The following AGAP2 variants were observed in gnomAD, a reference collection of about 807,000 sequenced individuals.
AGAP2 encodes arf-GAP with GTPase, ANK repeat and PH domain-containing protein 2.
In AGAP2, 32 loss-of-function variants were observed where a neutral mutation model predicts 110.9. The observed-to-expected ratio is 0.29, with a 90% CI of 0.22 to 0.39. The LOEUF (loss-of-function observed/expected upper bound fraction) is 0.39. AGAP2 is among the 10% of genes least tolerant of loss of function. The pLI is 1.00. For synonymous variants in AGAP2, 702 were observed against 713.0 expected, an observed-to-expected ratio of 0.98 and a Z score of 0.25; for missense variants, 1,285 against 1,638.5, an observed-to-expected ratio of 0.78 and a Z score of 3.72.
upstream of AGAP2, among the ~76,000 whole-genome samples, chr12:57,740,276 A>G (rs780966467): frequency 1.9e-4 from 29 of 152,024 alleles, no homozygotes; most frequent in Non-Finnish European, 3.2e-4. Flanking sequence ...CCTGTATCCA[A>G]TCCCTCCAAT....
chr12:57,730,443 C>T (rs751601963), intron 12 of AGAP2, 52 bp downstream of exon 12: 22 of 1,606,356 alleles, frequency 1.4e-5, no homozygotes, highest in Admixed American at 8.7e-5. Flanking sequence ...ATTTCCCACA[C>T]TCATCCTATT....
In AGAP2 at chr12:57,731,584, C is replaced by T. The variant is rs1287518775; in HGVS notation, c.2012G>A (p.Gly671Glu). The change falls in exon 9 of 19, where the codon GGG becomes GAG. Residue 671 changes from glycine (G) to glutamate (E), a missense_variant. This residue lies in a region of AGAP2 where 844 missense variants were observed against 941.2 expected (regional missense o/e 0.90). Transcript: ENST00000547588. ...TTTGATGGGGATGGCTCGCCCACTC[C>T]CTGTTGTCTCTCCCCGACTATCCAA... ...RSLDSRGETT[G>E]SGRAIPIKQS... is the part of the protein sequence containing the mutation. 1 of 1,614,120 alleles carries T rather than the reference C, an allele frequency of 6.2e-7. No individual in the cohort carries two copies. Among genetic ancestry groups the T allele is most frequent in the Non-Finnish European group, 8.5e-7 (1 of 1,180,022 alleles).
In AGAP2 at chr12:57,726,969, C is replaced by T; in HGVS notation, c.3336+5G>A. The T allele has an allele frequency of 6.4e-7, 1 of 1,563,696 alleles. No homozygotes were observed. The highest frequency in any genetic ancestry group is 1.8e-5 in the Admixed American group (1 of 55,182). ...GACCCCCTTTCCTCCCCCCAGCTCA[C>T]GTACCCACAGCAGCAGTTGCGTGAT... On this transcript the variant is annotated splice_donor_5th_base_variant and intron_variant, in intron 18 of 18. Coordinates refer to ENST00000547588, the MANE Select transcript of AGAP2 (RefSeq NM_001122772.3). This position sits in a 1 kb window ranked among gnomAD's most constrained non-coding sequence, Gnocchi z 5.7.
chr12:57,732,522 G>T lies in AGAP2; in HGVS notation c.1685-10C>A. ...ACCACCTTCTGGGCCACTGAGGGGA[G>T]TTGACGGAAGGAGGTGTGAGCAGGC... is the stretch of plus-strand genomic sequence containing the variant. On this transcript the variant is annotated splice_polypyrimidine_tract_variant and intron_variant, in intron 6 of 18. Transcript: ENST00000547588. The T allele has an allele frequency of 6.3e-7, 1 of 1,575,134 alleles. No homozygotes were observed. The highest frequency in any genetic ancestry group is 8.6e-7 in the Non-Finnish European group (1 of 1,158,970).
intron 3 of AGAP2, 48 bp downstream of exon 3, chr12:57,734,544 G>A: frequency 3.1e-6 from 5 of 1,603,050 alleles, no homozygotes; most frequent in Non-Finnish European, 4.3e-6. Flanking sequence ...TCTCACTCCT[G>A]GATCCCTGAC....
Position 57,732,517 on chromosome 12 carries a change from G to T in AGAP2, c.1685-5C>A. 6.3e-7 allele frequency: 1 copy of T among 1,578,424 alleles called. No individual in the cohort carries two copies. Among genetic ancestry groups the T allele is most frequent in the South Asian group, 1.1e-5 (1 of 86,984 alleles). ...AGGTCACCACCTTCTGGGCCACTGA[G>T]GGGAGTTGACGGAAGGAGGTGTGAG... On this transcript the variant is annotated splice_polypyrimidine_tract_variant and splice_region_variant and intron_variant, in intron 6 of 18. Transcript: ENST00000547588.
At position 57,727,103 on chromosome 12, in the gene AGAP2, G is replaced by C. The variant is rs1182805430; in HGVS notation, c.3207C>G (p.Thr1069=). ...WAAVQAQDVA[T]VLLLLAHARH... is the part of the protein sequence containing the mutation. ...GCGCATGGGCCAAAAGCAGGAGAACGGTAGCCACGTCCTGGGCCTGCACGG... is the reference window on the plus strand; with the variant it reads ...GCGCATGGGCCAAAAGCAGGAGAACCGTAGCCACGTCCTGGGCCTGCACGG... The change falls in exon 18 of 19, where the codon ACC becomes ACG. Residue 1069 remains threonine (T), a synonymous_variant. Transcript: ENST00000547588. 2.5e-6 allele frequency: 4 copies of C among 1,594,656 alleles called. No individual in the cohort carries two copies. Among genetic ancestry groups the C allele is most frequent in the African/African-American group, 2.7e-5 (2 of 74,846 alleles).
intron 14 of AGAP2, 102 bp downstream of exon 14, chr12:57,728,216 G>T: frequency 6.6e-7 from 1 of 1,517,852 alleles, no homozygotes; most frequent in Non-Finnish European, 9.0e-7. Flanking sequence ...AAAGCAGAGG[G>T]TGGGGGGCAG....
At chr12:57,740,728 G>A (rs1955067330), upstream of AGAP2, among the ~76,000 whole-genome samples, 1 of 152,170 alleles carries the variant, frequency 6.6e-6, no homozygotes, top group African/African-American at 2.4e-5. Flanking sequence ...AAGGCTGTCA[G>A]GGGAAGCTTC....
rs1954782100 is a variant in AGAP2, at chr12:57,727,085, G to A, written c.3225C>T (p.Ala1075=). 5 of 1,595,128 alleles carry A rather than the reference G, an allele frequency of 3.1e-6. No homozygotes were observed. The highest frequency in any genetic ancestry group is 1.3e-5 in the African/African-American group (1 of 74,798). Residue 1075 remains alanine (A), a synonymous_variant, in exon 18 of 19, where the codon GCC becomes GCT. Transcript: ENST00000547588. ...TGTCGAGCGGCCCGTGTCGCGCATG[G>A]GCCAAAAGCAGGAGAACGGTAGCCA... is the stretch of plus-strand genomic sequence containing the variant. The part of the protein sequence containing the change: ...QDVATVLLLL[A]HARHGPLDTS...
At chr12:57,728,846 G>C (rs1326671670) in intron 13 of AGAP2, among the ~76,000 whole-genome samples, 2 of 152,090 alleles carry the variant, frequency 1.3e-5, no homozygotes, top group Non-Finnish European at 2.9e-5. Flanking sequence ...GGCTGTTGGG[G>C]AGCACTTGGC....
rs1309668400 is a variant in AGAP2, at chr12:57,737,146, T to A, written c.1101A>T (p.Gly367=). Residue 367 remains glycine (G), a synonymous_variant, in exon 1 of 19, where the codon GGA becomes GGT. Transcript: ENST00000547588. The surrounding 1 kb of genome is among the most constrained non-coding windows in gnomAD (Gnocchi z 5.9). ...GGPPGSGPLP[G]PPSLSSGSGS... is the part of the protein sequence containing the mutation. ...CGCTGCCAGAAGACAGGCTGGGGGG[T>A]CCGGGAAGGGGCCCGGAGCCAGGAG... The A allele has an allele frequency of 5.7e-6, 9 of 1,566,692 alleles. No individual in the cohort carries two copies. The highest frequency in any genetic ancestry group is 3.8e-5 in the Admixed American group (2 of 52,602).
In AGAP2 at chr12:57,732,520, G is replaced by T. The variant is rs1954906367; in HGVS notation, c.1685-8C>A. 1.3e-6 allele frequency: 2 copies of T among 1,576,048 alleles called. No homozygotes were observed. Among genetic ancestry groups the T allele is most frequent in the Non-Finnish European group, 8.6e-7 (1 of 1,159,664 alleles). On this transcript the variant is annotated splice_polypyrimidine_tract_variant and splice_region_variant and intron_variant, in intron 6 of 18. Coordinates refer to ENST00000547588, the MANE Select transcript of AGAP2 (RefSeq NM_001122772.3). Reference sequence around the variant, plus strand: ...TCACCACCTTCTGGGCCACTGAGGGGAGTTGACGGAAGGAGGTGTGAGCAG... The same window carrying T: ...TCACCACCTTCTGGGCCACTGAGGGTAGTTGACGGAAGGAGGTGTGAGCAG...
upstream of AGAP2, chr12:57,740,086 T>C (rs1955058815): frequency 6.6e-6 from 1 of 152,222 alleles, no homozygotes; most frequent in Non-Finnish European, 1.5e-5. Context: ...TTCCCGGGAC[T>C]TGGGGAGTCA....
chr12:57,726,563 C>G lies in AGAP2; in HGVS notation c.3568G>C (p.Ala1190Pro). Reference protein sequence around the residue: ...ASVGRADAPVALV With the variant: ...ASVGRADAPVPLV The stretch of plus-strand genomic sequence containing the variant: ...CTCCCGCTGGGCAACTATACCAGCG[C>G]AACCGGGGCGTCGGCGCGGCCCACG... The change falls in exon 19 of 19, where the codon GCG becomes CCG. Residue 1190 changes from alanine (A) to proline (P), a missense_variant. Physicochemically the swap from Ala to Pro is conservative, Grantham distance 27 (BLOSUM62 -1). Coordinates refer to ENST00000547588, the MANE Select transcript of AGAP2 (RefSeq NM_001122772.3). This position sits in a 1 kb window ranked among gnomAD's most constrained non-coding sequence, Gnocchi z 5.7. The G allele has an allele frequency of 8.3e-7, 1 of 1,211,940 alleles. No homozygotes were observed. Among genetic ancestry groups the G allele is most frequent in the Non-Finnish European group, 1.0e-6 (1 of 974,050 alleles). 75.1% of individuals were successfully genotyped at this position (1,211,940 alleles called of 1,614,324 possible).
intron 3 of AGAP2, 77 bp from the exon 4 acceptor site, chr12:57,734,481 G>C: frequency 1.3e-6 from 2 of 1,588,224 alleles, no homozygotes; most frequent in East Asian, 2.2e-5. Flanking sequence ...CAGTGCTTTT[G>C]CTATTATGGC....
Position 57,728,805 on chromosome 12 carries a change from A to G in AGAP2, c.2558-428T>C, listed in dbSNP as rs1383821796. Among the ~76,000 whole-genome samples the G allele has an allele frequency of 2.0e-5, 3 of 152,064 alleles. No individual in the cohort carries two copies. The East Asian group carries it at 5.8e-4, about 29-fold the overall frequency. On this transcript the variant is annotated intron_variant, in intron 13 of 18. Transcript: ENST00000547588. ...GCGGTGGGGGTGCGGGGAATCACTG[A>G]GGGACAAGAATGGGGATCACTATGG... is the stretch of plus-strand genomic sequence containing the variant.
Position 57,727,924 on chromosome 12 carries a change from C to T in AGAP2, c.2766+13G>A, listed in dbSNP as rs1954805193. The T allele has an allele frequency of 6.2e-7, 1 of 1,613,606 alleles. No homozygotes were observed. Among genetic ancestry groups the T allele is most frequent in the Admixed American group, 1.7e-5 (1 of 60,008 alleles). On this transcript the variant is annotated intron_variant, in intron 15 of 18. Transcript: ENST00000547588. ...TCCTGCGGCCAGTCCTCCACTCCAC[C>T]TCAAACTCTTACCTTGACCTTGCTG...
chr12:57,730,752 T>A (rs1307399617), intron 11 of AGAP2, 39 bp downstream of exon 11: 1 of 1,612,504 alleles, frequency 6.2e-7, no homozygotes. Context: ...TCCCCAGCCC[T>A]GGCCCCTCTT....
Sources: gnomAD v4.1 joint callset for allele counts (sites outside exome capture counted in the v4.1 genomes callset) on GRCh38, gnomAD v4.1.1 for gene constraint, gnomAD v4.1.1 regional missense constraint, Gnocchi (gnomAD v3.1) non-coding constraint, MANE v1.5 for transcripts, NCBI Gene and HGNC (gene_info 2026-07-23, HGNC 2026-07-21) for gene names.